ADAM9: variants seen among roughly 807,000 people sequenced by gnomAD.
The protein encoded by ADAM9 is disintegrin and metalloproteinase domain-containing protein 9.
ADAM9 carries 54 observed loss-of-function variants against 108.1 expected under a neutral mutation model. That is an observed-to-expected ratio of 0.50 (90% CI 0.40 to 0.63). ADAM9 has a LOEUF of 0.63. Among genes scored for constraint, ADAM9 ranks in the 20% least tolerant of loss-of-function variants. ADAM9 has a pLI of 0.00. For missense variants in ADAM9, 830 were observed against 997.7 expected (o/e 0.83, Z 2.26); for synonymous variants, 316 against 336.0 (o/e 0.94, Z 0.65).
At chr8:39,069,410 G>A (rs1838603944) in intron 14 of ADAM9, among the ~76,000 whole-genome samples, 1 of 152,154 alleles carries the variant, frequency 6.6e-6, no homozygotes, top group Non-Finnish European at 1.5e-5. Context: ...TTGAACATGT[G>A]GAGAATAAGG....
chr8:39,024,101 T>C (rs1332480479), intron 9 of ADAM9, among the ~76,000 whole-genome samples: 2 of 152,194 alleles, frequency 1.3e-5, no homozygotes, highest in Admixed American at 1.3e-4. Flanking sequence ...TTTTGTCTTT[T>C]TTGTCCCAGC....
chr8:38,997,265 C>G (rs1258467069), intron 1 of ADAM9, 105 bp downstream of exon 1: 11 of 1,348,876 alleles, frequency 8.2e-6, no homozygotes, highest in African/African-American at 1.5e-5. Context: ...GCCTGGGGAT[C>G]GGACCCGGGG....
At position 39,007,963 on chromosome 8, in the gene ADAM9, C is replaced by T. The variant is rs774821122; in HGVS notation, c.175C>T (p.Pro59Ser). The T allele has an allele frequency of 6.2e-7, 1 of 1,605,902 alleles. No individual in the cohort carries two copies. Among genetic ancestry groups the T allele is most frequent in the Non-Finnish European group, 8.5e-7 (1 of 1,173,706 alleles). ...ATTAACTAGAGAAAGAAGAGAAGCCCCTAGGCCCTATTCAAAACAAGTAAG... is the reference window on the plus strand; with the variant it reads ...ATTAACTAGAGAAAGAAGAGAAGCCTCTAGGCCCTATTCAAAACAAGTAAG... The part of the protein sequence containing the change: ...WRLTRERREA[P>S]RPYSKQVSYV... The change falls in exon 2 of 22, where the codon CCT becomes TCT. Residue 59 changes from proline to serine, a missense_variant. Physicochemically the swap from Pro to Ser is moderately conservative, Grantham distance 74 (BLOSUM62 -1). Transcript: ENST00000487273.
rs528374391 is a variant in ADAM9, at chr8:39,038,079, C to A, written c.1131-3867C>A. On this transcript the variant is annotated intron_variant, in intron 11 of 21. Coordinates refer to ENST00000487273, the MANE Select transcript of ADAM9 (RefSeq NM_003816.3). ...ACAAAAGCAATCCAACCACTTCTTA[C>A]AGCTCCCACTGTTTCATTTTGGTCC... 2.0e-5 allele frequency among the ~76,000 whole-genome samples: 3 copies of A among 152,324 alleles called. No homozygotes were observed. The East Asian group carries it at 5.8e-4, about 29-fold the overall frequency.
intron 16 of ADAM9, among the ~76,000 whole-genome samples, 188 bp from the exon 17 acceptor site, chr8:39,082,448 ATTAAT>A (rs555921507): frequency 1.1e-3 from 162 of 152,222 alleles, no homozygotes; most frequent in African/African-American, 3.6e-3. Context: ...TTTTTTGATA[ATTAAT>A]TTTGTATCAA....
chr8:39,033,448 A>G (rs1207250631), intron 11 of ADAM9, among the ~76,000 whole-genome samples: 1 of 151,270 alleles, frequency 6.6e-6, no homozygotes, highest in Non-Finnish European at 1.5e-5. Context: ...TACCAATCTG[A>G]TATTGCTTTA....
At chr8:39,042,459 C>A (rs1330016062) in intron 12 of ADAM9, among the ~76,000 whole-genome samples, 4 of 152,050 alleles carry the variant, frequency 2.6e-5, no homozygotes, top group Non-Finnish European at 5.9e-5. Flanking sequence ...TCTGGCACTG[C>A]CATTGCAGGA....
At position 39,016,202 on chromosome 8, in the gene ADAM9, A is replaced by G; in HGVS notation, c.410+8A>G. The G allele has an allele frequency of 6.2e-7, 1 of 1,609,270 alleles. No homozygotes were observed. The highest frequency in any genetic ancestry group is 8.5e-7 in the Non-Finnish European group (1 of 1,175,824). ...CGACTGTTTTGGACTCAGGTAAGCA[A>G]TTTCCTTTATCTTCTTTTTTTTTGT... is the stretch of plus-strand genomic sequence containing the variant. On this transcript the variant is annotated splice_region_variant and intron_variant, in intron 5 of 21. Transcript: ENST00000487273.
rs889460781 is a variant in ADAM9 at position 39,090,274 on chromosome 8, T to C, written c.2210+86T>C. On this transcript the variant is annotated intron_variant, in intron 19 of 21. Transcript: ENST00000487273. Reference sequence around the variant, plus strand: ...GAATCTCGACTTCCCTGGGCTCAGGTGATTCCCCCTGCCTCAGCCTTCCAA... The same window carrying C: ...GAATCTCGACTTCCCTGGGCTCAGGCGATTCCCCCTGCCTCAGCCTTCCAA... 3.0e-5 allele frequency: 35 copies of C among 1,154,072 alleles called. 1 individual carries two copies. In the Admixed American group the frequency reaches 7.4e-4, roughly 24 times the overall value. The allele number at this position is 1,154,072 out of a possible 1,614,324, so 71.5% of individuals were successfully genotyped here. A position where few individuals can be genotyped will look rare whatever the true frequency, so the allele number is the denominator to read the frequency against.
chr8:38,997,144 C>G lies in ADAM9; in HGVS notation c.81C>G (p.Leu27=), dbSNP rs530146456. ...LLLLGLVGPV[L]GAARPGFQQT... ...TGCTTGGCCTGGTGGGCCCAGTCCT[C>G]GGTGCGGCGCGGCCAGGTGGGTGTC... The change falls in exon 1 of 22, where the codon CTC becomes CTG. Residue 27 remains leucine (L), a synonymous_variant. Transcript: ENST00000487273. 1 of 1,600,134 alleles carries G rather than the reference C, an allele frequency of 6.2e-7. No individual in the cohort carries two copies. Among genetic ancestry groups the G allele is most frequent in the South Asian group, 1.1e-5 (1 of 90,860 alleles).
At chr8:39,002,319 T>C (rs903708646) in intron 1 of ADAM9, among the ~76,000 whole-genome samples, 1 of 138,550 alleles carries the variant, frequency 7.2e-6, no homozygotes, top group East Asian at 2.1e-4. Flanking sequence ...ATTCTTTTTT[T>C]TTTTTTTTTT....
At position 39,007,893 on chromosome 8, in the gene ADAM9, A is replaced by G; in HGVS notation, c.105A>G (p.Gln35=). 6.2e-7 allele frequency: 1 copy of G among 1,610,562 alleles called. No individual in the cohort carries two copies. Among genetic ancestry groups the G allele is most frequent in the Non-Finnish European group, 8.5e-7 (1 of 1,177,814 alleles). ...PVLGAARPGF[Q]QTSHLSSYEI... is the part of the protein sequence containing the mutation. The stretch of plus-strand genomic sequence containing the variant: ...TTTTTGCCTTTTCTGTAGGCTTTCA[A>G]CAGACCTCACATCTTTCTTCTTATG... The change falls in exon 2 of 22, where the codon CAA becomes CAG. Residue 35 remains glutamine (Q), a synonymous_variant. Transcript: ENST00000487273.
chr8:38,999,212 G>C (rs1564208888), intron 1 of ADAM9, among the ~76,000 whole-genome samples: 2 of 152,092 alleles, frequency 1.3e-5, no homozygotes, highest in Admixed American at 6.5e-5. Flanking sequence ...GAGGTACCAG[G>C]CACACGTCAG....
intron 6 of ADAM9, chr8:39,018,481 CAT>C (rs759481861): frequency 5.1e-4 from 110 of 216,272 alleles, no homozygotes; most frequent in Admixed American, 3.8e-4. Context: ...TGTGTGTTTG[CAT>C]GTGTGTGTGT....
At chr8:39,030,292 C>G (rs1837057175) in intron 11 of ADAM9, among the ~76,000 whole-genome samples, 1 of 152,088 alleles carries the variant, frequency 6.6e-6, no homozygotes, top group African/African-American at 2.4e-5. Context: ...AACCACTAAT[C>G]TTTTTACTGT....
At position 38,998,192 on chromosome 8, in the gene ADAM9, G is replaced by C. The variant is rs145266175; in HGVS notation, c.97+1032G>C. On this transcript the variant is annotated intron_variant, in intron 1 of 21. Transcript: ENST00000487273. ...TTGACCTTCAGGAAACTAATTACTT[G>C]TTTTTCTTATCTTTGGCTGCTTTAT... is the stretch of plus-strand genomic sequence containing the variant. Among the ~76,000 whole-genome samples, 209 of 152,268 alleles carry C rather than the reference G, an allele frequency of 1.4e-3. 3 individuals are homozygous for C. Among genetic ancestry groups the C allele is most frequent in the Admixed American group, 0.012 (182 of 15,302 alleles).
chr8:39,040,478 C>A (rs1456088784), intron 11 of ADAM9, among the ~76,000 whole-genome samples: 1 of 152,128 alleles, frequency 6.6e-6, no homozygotes, highest in Non-Finnish European at 1.5e-5. Context: ...ATTTTTATGT[C>A]ATCTTTGGAG....
intron 12 of ADAM9, among the ~76,000 whole-genome samples, chr8:39,050,394 G>T (rs1424166698): frequency 6.7e-6 from 1 of 150,036 alleles, no homozygotes; most frequent in Non-Finnish European, 1.5e-5. Context: ...GCCACAGTGT[G>T]TATATTAGTC....
intron 11 of ADAM9, among the ~76,000 whole-genome samples, chr8:39,037,104 T>G (rs1837303715): frequency 7.9e-6 from 1 of 127,342 alleles, no homozygotes; most frequent in Non-Finnish European, 1.6e-5. Context: ...TCACCCAGGC[T>G]GGAGTGCAGT....
Sources: gnomAD v4.1 joint callset for allele counts (sites outside exome capture counted in the v4.1 genomes callset) on GRCh38, gnomAD v4.1.1 for gene constraint, MANE v1.5 for transcripts, NCBI Gene and HGNC (gene_info 2026-07-23, HGNC 2026-07-21) for gene names.